Variants in RHCE observed in about 807,000 individuals in gnomAD.
RHCE encodes blood group Rh(CE) polypeptide.
A neutral mutation model predicts 43.8 loss-of-function variants in RHCE; 22 were observed. That is an observed-to-expected ratio of 0.50 (90% CI 0.36 to 0.72). The LOEUF is 0.72. RHCE is among the 30% of genes least tolerant of loss of function. RHCE has a pLI of 0.00. For missense variants in RHCE, 385 were observed against 525.4 expected (o/e 0.73, Z 2.61); for synonymous variants, 156 against 210.7 (o/e 0.74, Z 2.25).
upstream of RHCE, among the ~76,000 whole-genome samples, chr1:25,422,992 C>A (rs531315430): frequency 7.9e-5 from 12 of 152,012 alleles, no homozygotes; most frequent in African/African-American, 2.9e-4. Flanking sequence ...TCATGCTGTG[C>A]GGTCAGGTTC....
chr1:25,370,086 A>G (rs1393954877), intron 9 of RHCE, among the ~76,000 whole-genome samples: 2 of 151,554 alleles, frequency 1.3e-5, no homozygotes, highest in African/African-American at 2.4e-5. Context: ...GCATCTGTCA[A>G]AAAAGGGGTT....
intron 2 of RHCE, 60 bp from the exon 3 acceptor site, chr1:25,402,806 T>C: frequency 1.3e-6 from 2 of 1,591,164 alleles, no homozygotes; most frequent in Middle Eastern, 3.3e-4. Flanking sequence ...CACTCATTCA[T>C]TCATTCATTC....
chr1:25,388,983 C>G lies in RHCE; in HGVS notation c.932G>C (p.Cys311Ser). The change falls in exon 6 of 10, where the codon TGC becomes TCC. Residue 311 changes from cysteine (C) to serine (S), a missense_variant. By Grantham distance (112) the Cys-to-Ser change is moderately radical. This residue lies in a region of RHCE where 82 missense variants were observed against 69.2 expected (regional missense o/e 1.18). Coordinates refer to ENST00000294413, the MANE Select transcript of RHCE (RefSeq NM_020485.8). The part of the protein sequence containing the change: ...AGLISIGGAK[C>S]LPVCCNRVLG... Reference sequence around the variant, plus strand: ...AGTTGTCTAGTTTCTTACCGGCAGGCACTTGGCTCCCCCGATGGAGATCAG... The same window carrying G: ...AGTTGTCTAGTTTCTTACCGGCAGGGACTTGGCTCCCCCGATGGAGATCAG... 1 of 1,614,206 alleles carries G rather than the reference C, an allele frequency of 6.2e-7. No homozygotes were observed. The highest frequency in any genetic ancestry group is 1.1e-5 in the South Asian group (1 of 91,084).
chr1:25,391,348 C>A (rs1268623744), intron 4 of RHCE, among the ~76,000 whole-genome samples: 4 of 152,028 alleles, frequency 2.6e-5, no homozygotes, highest in African/African-American at 9.7e-5. Flanking sequence ...CCATGCCCAG[C>A]TGATTTGTTT....
At position 25,372,945 on chromosome 1, in the gene RHCE, C is replaced by G. The variant is rs918601438; in HGVS notation, c.1153+2404G>C. ...TCAGCCTCCGGAGCAGCTGGGACTA[C>G]AGGTGTACCACCACACCTGGCTAAT... On this transcript the variant is annotated intron_variant, in intron 8 of 9. Transcript: ENST00000294413. Among the ~76,000 whole-genome samples the G allele has an allele frequency of 9.2e-5, 14 of 151,714 alleles. 1 individual carries two copies. The highest frequency in any genetic ancestry group is 2.7e-4 in the African/African-American group (11 of 41,070).
At chr1:25,388,881 C>T in intron 6 of RHCE, 95 bp downstream of exon 6, 1 of 1,586,322 alleles carries the variant, frequency 6.3e-7, no homozygotes, top group Non-Finnish European at 8.6e-7. Flanking sequence ...CAACACCTGC[C>T]TAATGCAGCT....
intron 4 of RHCE, among the ~76,000 whole-genome samples, chr1:25,391,591 G>C (rs779093134): frequency 2.0e-5 from 3 of 151,780 alleles, no homozygotes; most frequent in Non-Finnish European, 4.4e-5. Flanking sequence ...TTTTCTATTA[G>C]CCTCTCCCAG....
intron 5 of RHCE, among the ~76,000 whole-genome samples, chr1:25,389,385 C>CT (rs1338965597): frequency 6.6e-6 from 1 of 152,088 alleles, no homozygotes; most frequent in Non-Finnish European, 1.5e-5. Flanking sequence ...GCTCAGCATC[C>CT]TAGGCACCCA....
chr1:25,410,024 G>A (rs1288097465), intron 1 of RHCE, among the ~76,000 whole-genome samples: 1 of 152,020 alleles, frequency 6.6e-6, no homozygotes, highest in Non-Finnish European at 1.5e-5. Flanking sequence ...AGCCTCCCAA[G>A]TAGCTGGGAT....
intron 7 of RHCE, among the ~76,000 whole-genome samples, chr1:25,385,284 G>A (rs1238691505): frequency 6.6e-6 from 1 of 152,198 alleles, no homozygotes; most frequent in Non-Finnish European, 1.5e-5. Context: ...CCTGTGAGGG[G>A]AGATAGTATC....
At chr1:25,369,730 A>ATTTTTTTTTT (rs3080376) in intron 9 of RHCE, among the ~76,000 whole-genome samples, 1 of 95,472 alleles carries the variant, frequency 1.0e-5, no homozygotes, top group Non-Finnish European at 1.9e-5. Context: ...CACTGTAAGA[A>ATTTTTTTTTT]TTTTTTTTTT....
intron 3 of RHCE, among the ~76,000 whole-genome samples, chr1:25,400,502 G>C (rs1452293598): frequency 6.6e-6 from 1 of 150,660 alleles, no homozygotes; most frequent in East Asian, 1.9e-4. Context: ...TAAAATGCAG[G>C]GTGTTCTAGG....
At chr1:25,405,484 C>G (rs1357996273) in intron 2 of RHCE, among the ~76,000 whole-genome samples, 1 of 152,098 alleles carries the variant, frequency 6.6e-6, no homozygotes, top group Non-Finnish European at 1.5e-5. Flanking sequence ...GAAACCCCGT[C>G]TCTACTAAAA....
chr1:25,399,344 G>C, intron 3 of RHCE: 1 of 751,230 alleles, frequency 1.3e-6, no homozygotes, highest in East Asian at 2.6e-5. Flanking sequence ...ATTATTTTCA[G>C]AATTTAACTT....
chr1:25,390,314 C>T (rs1444550220), intron 5 of RHCE, among the ~76,000 whole-genome samples: 19 of 152,276 alleles, frequency 1.2e-4, no homozygotes, highest in Admixed American at 1.2e-3. Context: ...GTTGAAGTGG[C>T]TTGACCAGAG....
At chr1:25,382,742 A>G (rs776330218) in intron 7 of RHCE, among the ~76,000 whole-genome samples, 433 of 152,146 alleles carry the variant, frequency 2.8e-3, no homozygotes, top group Non-Finnish European at 5.1e-3. Flanking sequence ...GCTCGGAATG[A>G]GTGGCTCTTG....
intron 8 of RHCE, among the ~76,000 whole-genome samples, chr1:25,372,928 C>T (rs747046862): frequency 3.3e-5 from 5 of 151,588 alleles, no homozygotes; most frequent in Non-Finnish European, 7.4e-5. Context: ...TCTCAGCCTC[C>T]GGAGCAGCTG....
At chr1:25,413,351 C>A (rs550382526) in intron 1 of RHCE, among the ~76,000 whole-genome samples, 1 of 152,180 alleles carries the variant, frequency 6.6e-6, no homozygotes, top group African/African-American at 2.4e-5. Flanking sequence ...ATTATCTGGG[C>A]TCCCGCTTCA....
chr1:25,409,866 T>C (rs61777616), intron 1 of RHCE, among the ~76,000 whole-genome samples: 2,357 of 151,856 alleles, frequency 0.016, 33 homozygotes, highest in Non-Finnish European at 0.025. Context: ...AGAGGCGTTA[T>C]GTAACTTGCC....
Sources: allele counts gnomAD v4.1 joint callset (sites outside exome capture counted in the v4.1 genomes callset), GRCh38; gene constraint gnomAD v4.1.1; regional missense constraint gnomAD v4.1.1; transcripts MANE v1.5; gene names NCBI Gene and HGNC (gene_info 2026-07-23, HGNC 2026-07-21).